The following CAPRIN1 variants were observed in gnomAD, a reference collection of about 807,000 sequenced individuals.
CAPRIN1 encodes caprin-1.
Under a neutral mutation model 100.9 loss-of-function variants are expected in CAPRIN1, and 29 were observed. That is an observed-to-expected ratio of 0.29 (90% CI 0.21 to 0.39). CAPRIN1 has a LOEUF of 0.39. CAPRIN1 is among the 10% of genes least tolerant of loss of function. The pLI is 1.00. For missense variants in CAPRIN1, 795 were observed against 876.7 expected (o/e 0.91, Z 1.18); for synonymous variants, 338 against 307.5 (o/e 1.10, Z -1.04).
At chr11:34,086,656 TGA>T (rs1307236940) in intron 11 of CAPRIN1, among the ~76,000 whole-genome samples, 2 of 152,238 alleles carry the variant, frequency 1.3e-5, no homozygotes, top group Admixed American at 1.3e-4. Context: ...GCAAGTTTAA[TGA>T]GTTTTTATAA....
At position 34,092,028 on chromosome 11, in the gene CAPRIN1, A is replaced by G; in HGVS notation, c.1677A>G (p.Thr559=). 6.2e-7 allele frequency: 1 copy of G among 1,614,118 alleles called. No individual in the cohort carries two copies. The highest frequency in any genetic ancestry group is 8.5e-7 in the Non-Finnish European group (1 of 1,179,996). Residue 559 remains threonine (T), a synonymous_variant, in exon 15 of 19, where the codon ACA becomes ACG. Transcript: ENST00000341394. Reference sequence around the variant, plus strand: ...GTCAGCCTCACCAAGTAGAACAAACAGAGCTTCAGCAAGAACAGCTTCAAA... The same window carrying G: ...GTCAGCCTCACCAAGTAGAACAAACGGAGCTTCAGCAAGAACAGCTTCAAA... ...FSSQPHQVEQ[T]ELQQEQLQTV...
chr11:34,076,686 T>TTAAA, intron 6 of CAPRIN1, 44 bp downstream of exon 6: 1 of 1,317,902 alleles, frequency 7.6e-7, no homozygotes, highest in Non-Finnish European at 1.1e-6. Context: ...CTAGGAATCT[T>TTAAA]TAAAAACTAA....
rs1222903332 is a variant in CAPRIN1 at position 34,052,201 on chromosome 11, CGGG to C, written c.1-216_1-214del. On this transcript the variant is annotated intron_variant, in intron 1 of 18. Coordinates refer to ENST00000341394, the MANE Select transcript of CAPRIN1 (RefSeq NM_005898.5). ...GCGGCTCCGCGGGGGAGGGGCGGGTCGGGGGGCGGTGCGAGGCCCAGCCGGGCG... is the reference window on the plus strand; with the variant it reads ...GCGGCTCCGCGGGGGAGGGGCGGGTCGGGCGGTGCGAGGCCCAGCCGGGCG... 5 of 157,168 alleles carry C rather than the reference CGGG, an allele frequency of 3.2e-5. No homozygotes were observed. The Admixed American group carries it at 3.3e-4, about 10-fold the overall frequency. The allele number at this position is 157,168 out of a possible 1,614,324, so 9.7% of individuals were successfully genotyped here. A position where few individuals can be genotyped will look rare whatever the true frequency, so the allele number is the denominator to read the frequency against.
Position 34,081,598 on chromosome 11 carries a change from A to C in CAPRIN1, c.827-1227A>C, listed in dbSNP as rs575829097. Among the ~76,000 whole-genome samples, 15 of 152,004 alleles carry C rather than the reference A, an allele frequency of 9.9e-5. No individual in the cohort carries two copies. The South Asian group carries it at 3.1e-3, about 32-fold the overall frequency. ...AGTTTCCACCTCCAAGGGTCAAGCAATTCTCCTGCTTTAGCCTCTCGAGTA... is the reference window on the plus strand; with the variant it reads ...AGTTTCCACCTCCAAGGGTCAAGCACTTCTCCTGCTTTAGCCTCTCGAGTA... On this transcript the variant is annotated intron_variant, in intron 7 of 18. Transcript: ENST00000341394.
At position 34,071,782 on chromosome 11, in the gene CAPRIN1, T is replaced by C. The variant is rs1449792300; in HGVS notation, c.273T>C (p.Asp91=). ...ACAAAGGGGAAAGGCTTAATCAAGA[T>C]CAGCTGGTAAAGATGTTATATTTTT... ...RMNKGERLNQ[D]QLDAVSKYQE... The change falls in exon 3 of 19, where the codon GAT becomes GAC. Residue 91 remains aspartate, a synonymous_variant. Coordinates refer to ENST00000341394, the MANE Select transcript of CAPRIN1 (RefSeq NM_005898.5). 1.9e-6 allele frequency: 3 copies of C among 1,565,542 alleles called. No individual in the cohort carries two copies. Among genetic ancestry groups the C allele is most frequent in the African/African-American group, 1.6e-5 (1 of 61,046 alleles).
chr11:34,094,870 T>C (rs879546972), intron 15 of CAPRIN1, among the ~76,000 whole-genome samples: 2 of 152,274 alleles, frequency 1.3e-5, no homozygotes, highest in East Asian at 1.9e-4. Flanking sequence ...TTTCTTCCTT[T>C]CTTTCCTTTC....
intron 4 of CAPRIN1, among the ~76,000 whole-genome samples, chr11:34,075,338 G>A (rs775615901): frequency 2.6e-5 from 4 of 152,212 alleles, no homozygotes; most frequent in East Asian, 1.9e-4. Flanking sequence ...GGAAAGGAAA[G>A]CACTACCATG....
At chr11:34,090,097 T>C in intron 12 of CAPRIN1, 82 bp from the exon 13 acceptor site, 3 of 713,620 alleles carry the variant, frequency 4.2e-6, no homozygotes, top group South Asian at 3.5e-5. Context: ...TTCTTAGCCT[T>C]ATGCGTCTTA....
At chr11:34,066,203 T>TG (rs1850688860) in intron 2 of CAPRIN1, among the ~76,000 whole-genome samples, 1 of 152,194 alleles carries the variant, frequency 6.6e-6, no homozygotes, top group South Asian at 2.1e-4. Context: ...CTTGAACTCC[T>TG]ACTCTTGAGC....
chr11:34,076,924 A>G (rs997002984), intron 6 of CAPRIN1, among the ~76,000 whole-genome samples: 16 of 151,954 alleles, frequency 1.1e-4, no homozygotes, highest in African/African-American at 3.1e-4. Context: ...TAGTAGAGAC[A>G]GGGTTTCGCC....
chr11:34,071,416 T>C (rs1850802513), intron 2 of CAPRIN1, among the ~76,000 whole-genome samples: 2 of 152,074 alleles, frequency 1.3e-5, no homozygotes, highest in African/African-American at 4.8e-5. Flanking sequence ...TACAAAAAAA[T>C]TAGCTGGGCG....
At position 34,083,895 on chromosome 11, in the gene CAPRIN1, C is replaced by T. The variant is rs532939296; in HGVS notation, c.966+854C>T. On this transcript the variant is annotated intron_variant, in intron 9 of 18. Coordinates refer to ENST00000341394, the MANE Select transcript of CAPRIN1 (RefSeq NM_005898.5). ...CCAGCCTGGCCAGCATGGTGAAACC[C>T]AGTCTCTACTTCAAAAACAAACAAA... is the stretch of plus-strand genomic sequence containing the variant. Among the ~76,000 whole-genome samples the T allele has an allele frequency of 2.6e-5, 4 of 152,160 alleles. No homozygotes were observed. The East Asian group carries it at 7.8e-4, about 30-fold the overall frequency.
intron 15 of CAPRIN1, among the ~76,000 whole-genome samples, chr11:34,093,161 G>C (rs928825244): frequency 1.3e-5 from 2 of 150,436 alleles, no homozygotes; most frequent in Non-Finnish European, 2.9e-5. Context: ...GAACTACCTT[G>C]TCTAGCTCGA....
chr11:34,084,936 T>A (rs1268088860), intron 9 of CAPRIN1, among the ~76,000 whole-genome samples: 1 of 151,962 alleles, frequency 6.6e-6, no homozygotes, highest in East Asian at 1.9e-4. Context: ...CCAGTGTGGT[T>A]TGTTCTTTGT....
At chr11:34,099,100 T>C in intron 18 of CAPRIN1, 1 of 1,425,206 alleles carries the variant, frequency 7.0e-7, no homozygotes, top group Non-Finnish European at 9.2e-7. Flanking sequence ...GCTTTACTCT[T>C]CTTTTAGCTA....
rs1318274479 is a variant in CAPRIN1, at chr11:34,072,316, T to TTA, written c.366+329_366+330insTA. On this transcript the variant is annotated intron_variant, in intron 4 of 18. Transcript: ENST00000341394. Reference sequence around the variant, plus strand: ...GGGCAACGTGATAAAACCCCATCTCTAAAAAAAAAAAAAAACATTAAATTT... The same window carrying TTA: ...GGGCAACGTGATAAAACCCCATCTCTTAAAAAAAAAAAAAAAACATTAAATTT... Among the ~76,000 whole-genome samples the TTA allele has an allele frequency of 3.4e-3, 396 of 115,064 alleles. 2 individuals carry two copies. The highest frequency in any genetic ancestry group is 0.012 in the African/African-American group (357 of 30,490). The allele number at this position is 115,064 out of a possible 152,430, so 75.5% of individuals were successfully genotyped here.
chr11:34,080,155 C>T (rs1850996396), intron 7 of CAPRIN1, among the ~76,000 whole-genome samples: 1 of 152,072 alleles, frequency 6.6e-6, no homozygotes, highest in Non-Finnish European at 1.5e-5. Flanking sequence ...GATCCCTTGA[C>T]CTCGTGATCC....
intron 2 of CAPRIN1, among the ~76,000 whole-genome samples, chr11:34,060,576 T>TA: frequency 6.6e-6 from 1 of 152,302 alleles, no homozygotes; most frequent in East Asian, 1.9e-4. Flanking sequence ...CCTTTGGGCT[T>TA]ACACTTTGAG....
At chr11:34,075,279 T>G (rs974191973) in intron 4 of CAPRIN1, among the ~76,000 whole-genome samples, 9 of 152,142 alleles carry the variant, frequency 5.9e-5, no homozygotes, top group African/African-American at 2.2e-4. Context: ...CTATTTTGGT[T>G]TTCTGTGTCT....
Sources: allele counts gnomAD v4.1 joint callset (sites outside exome capture counted in the v4.1 genomes callset), GRCh38; gene constraint gnomAD v4.1.1; transcripts MANE v1.5; gene names NCBI Gene and HGNC (gene_info 2026-07-23, HGNC 2026-07-21).